The following C11orf16 variants were observed in gnomAD, a reference collection of about 807,000 sequenced individuals.
C11orf16 encodes the protein uncharacterized protein C11orf16.
C11orf16 carries 38 observed loss-of-function variants against 45.1 expected under a neutral mutation model. The ratio of observed to expected loss-of-function variants is 0.84; its 90% CI spans 0.65 to 1.10. C11orf16 has a LOEUF of 1.10. Among genes scored for constraint, C11orf16 ranks in the 50% least tolerant of loss-of-function variants. The pLI, the probability that C11orf16 is intolerant of heterozygous loss-of-function variation, is 0.00. For missense variants in C11orf16, 583 were observed against 569.5 expected (o/e 1.02, Z -0.24); for synonymous variants, 221 against 222.0 (o/e 1.00, Z 0.04).
At position 8,926,893 on chromosome 11, in the gene C11orf16, A is replaced by G. The variant is rs1194294712; in HGVS notation, c.559+47T>C. 2.0e-6 allele frequency: 3 copies of G among 1,504,694 alleles called. No individual in the cohort carries two copies. In the African/African-American group the frequency reaches 4.1e-5, roughly 21 times the overall value. The allele number at this position is 1,504,694 out of a possible 1,614,324, so 93.2% of individuals were successfully genotyped here. A position where few individuals can be genotyped will look rare whatever the true frequency, so the allele number is the denominator to read the frequency against. On this transcript the variant is annotated intron_variant, in intron 4 of 6. Coordinates refer to ENST00000326053, the MANE Select transcript of C11orf16 (RefSeq NM_020643.3). ...TGGCTCTCTCCTCTGGCCTGATTACAGCCTGGCTCCTTCTGGGCACTGATG... is the reference window on the plus strand; with the variant it reads ...TGGCTCTCTCCTCTGGCCTGATTACGGCCTGGCTCCTTCTGGGCACTGATG...
rs780084391 is a variant in C11orf16 at position 8,925,647 on chromosome 11, G to A, written c.1020C>T (p.Ser340=). The A allele has an allele frequency of 9.3e-6, 15 of 1,614,214 alleles. No homozygotes were observed. The highest frequency in any genetic ancestry group is 1.3e-5 in the Non-Finnish European group (15 of 1,180,000). Residue 340 remains serine, a synonymous_variant, in exon 5 of 7, where the codon TCC becomes TCT. Coordinates refer to ENST00000326053, the MANE Select transcript of C11orf16 (RefSeq NM_020643.3). ...APLAVSSSSS[S]SCEQDGVEND... ...TCTCCACACCGTCTTGTTCACAGGA[G>A]GAGGATGAGGAGGAAGAAACAGCCA...
rs1436009333 is a variant in C11orf16 at position 8,926,180 on chromosome 11, CTTTTCTT to C, written c.560-80_560-74del. On this transcript the variant is annotated intron_variant, in intron 4 of 6. Transcript: ENST00000326053. ...CCTTTTTTTTCTTTTTTCTTTTTTT[CTTTTCTT>C]TTTTTTTTTTTTTTTTTGAGACAGG... The C allele has an allele frequency of 6.1e-6, 6 of 987,896 alleles. No homozygotes were observed. The African/African-American group carries it at 1.1e-4, about 18-fold the overall frequency. The allele number at this position is 987,896 out of a possible 1,614,324, so 61.2% of individuals were successfully genotyped here.
intron 2 of C11orf16, 30 bp downstream of exon 2, chr11:8,932,112 C>T (rs75690868): frequency 0.031 from 46,765 of 1,527,306 alleles, 843 homozygotes; most frequent in Non-Finnish European, 0.036. Context: ...AAAGGGCATC[C>T]ACTTCCCCCA....
chr11:8,924,254 G>T (rs2064593589), intron 5 of C11orf16, among the ~76,000 whole-genome samples: 1 of 152,114 alleles, frequency 6.6e-6, no homozygotes, highest in Non-Finnish European at 1.5e-5. Flanking sequence ...GTGCCAGCTT[G>T]GTGGTTCACG....
chr11:8,930,838 T>C (rs1419799809), intron 2 of C11orf16, among the ~76,000 whole-genome samples: 1 of 152,176 alleles, frequency 6.6e-6, no homozygotes, highest in Non-Finnish European at 1.5e-5. Context: ...CATGCTGAGC[T>C]GCCCTCAGCC....
At chr11:8,932,577 C>T (rs1010920151) in intron 1 of C11orf16, among the ~76,000 whole-genome samples, 3 of 152,214 alleles carry the variant, frequency 2.0e-5, no homozygotes, top group Non-Finnish European at 4.4e-5. Context: ...TTTAAATCCT[C>T]CCCTACAGCC....
intron 1 of C11orf16, 56 bp from the exon 2 acceptor site, chr11:8,932,382 C>G: frequency 7.0e-7 from 1 of 1,430,616 alleles, no homozygotes; most frequent in Non-Finnish European, 9.3e-7. Flanking sequence ...CAGTGGCCAC[C>G]GGGGCGAGGC....
At chr11:8,927,399 G>T (rs2064621963) in intron 3 of C11orf16, 1 of 578,998 alleles carries the variant, frequency 1.7e-6, no homozygotes, top group South Asian at 2.0e-5. Context: ...CCTGCCTCGG[G>T]CAACTCTTGT....
intron 2 of C11orf16, among the ~76,000 whole-genome samples, chr11:8,931,150 G>A (rs1037159002): frequency 2.6e-5 from 4 of 152,068 alleles, no homozygotes; most frequent in African/African-American, 9.7e-5. Flanking sequence ...GAGGGAACCT[G>A]AAGAGGGACC....
In C11orf16 at chr11:8,927,112, C is replaced by A. The variant is rs145826068; in HGVS notation, c.387G>T (p.Leu129=). ...FEAPLVAGPK[L]PAQQQRVVLE... ...AGACCACTCTCTGCTGCTGGGCTGG[C>A]AGCTTTGGGCCTGCGACAAGAGGAG... is the stretch of plus-strand genomic sequence containing the variant. The change falls in exon 4 of 7, where the codon CTG becomes CTT. Residue 129 remains leucine, a synonymous_variant. Coordinates refer to ENST00000326053, the MANE Select transcript of C11orf16 (RefSeq NM_020643.3). 1 of 1,614,062 alleles carries A rather than the reference C, an allele frequency of 6.2e-7. No homozygotes were observed. Among genetic ancestry groups the A allele is most frequent in the African/African-American group, 1.3e-5 (1 of 74,932 alleles).
At chr11:8,922,213 T>TA (rs1456649826) in intron 5 of C11orf16, among the ~76,000 whole-genome samples, 1 of 151,950 alleles carries the variant, frequency 6.6e-6, no homozygotes, top group East Asian at 1.9e-4. Flanking sequence ...AGAAAACAAA[T>TA]ATTAAGAAAT....
intron 6 of C11orf16, among the ~76,000 whole-genome samples, chr11:8,920,737 C>T (rs1001547629): frequency 1.3e-5 from 2 of 152,114 alleles, no homozygotes; most frequent in South Asian, 2.1e-4. Context: ...CTCAGGTGGG[C>T]GGCTCACTTG....
chr11:8,927,251 C>T, intron 3 of C11orf16, 77 bp from the exon 4 acceptor site: 2 of 1,158,288 alleles, frequency 1.7e-6, no homozygotes, highest in Non-Finnish European at 2.5e-6. Flanking sequence ...CCCTACGATG[C>T]CCCCCAAATC....
At chr11:8,927,685 T>A (rs1042850169) in intron 3 of C11orf16, 4 of 456,256 alleles carry the variant, frequency 8.8e-6, no homozygotes, top group Non-Finnish European at 1.8e-5. Context: ...GCACTGCCCT[T>A]GCAGTCAACG....
Position 8,920,149 on chromosome 11 carries a change from G to A in C11orf16, c.*324C>T. ...TACAACTAGGCTTTATGGGAAGGTGGCAGAGTGGCTGTGGACACATTTGCC... is the reference window on the plus strand; with the variant it reads ...TACAACTAGGCTTTATGGGAAGGTGACAGAGTGGCTGTGGACACATTTGCC... On this transcript the variant is annotated 3_prime_UTR_variant, in exon 7 of 7. Coordinates refer to ENST00000326053, the MANE Select transcript of C11orf16 (RefSeq NM_020643.3). The A allele has an allele frequency of 2.9e-6, 1 of 342,958 alleles. No homozygotes were observed. Among genetic ancestry groups the A allele is most frequent in the Non-Finnish European group, 5.2e-6 (1 of 191,174 alleles). The allele number at this position is 342,958 out of a possible 1,614,324, so 21.2% of individuals were successfully genotyped here.
In C11orf16 at chr11:8,925,518, C is replaced by T. The variant is rs1187587211; in HGVS notation, c.1149G>A (p.Gln383=). Residue 383 remains glutamine, a synonymous_variant, in exon 5 of 7, where the codon CAG becomes CAA. Coordinates refer to ENST00000326053, the MANE Select transcript of C11orf16 (RefSeq NM_020643.3). The part of the protein sequence containing the change: ...EMPLRQSGLC[Q]PEWRYWKRNG... Reference sequence around the variant, plus strand: ...TTCTCTTCCAATACCTCCACTCAGGCTGGCAGAGGCCACTCTGTCTCAGAG... The same window carrying T: ...TTCTCTTCCAATACCTCCACTCAGGTTGGCAGAGGCCACTCTGTCTCAGAG... The T allele has an allele frequency of 5.0e-6, 8 of 1,614,244 alleles. No individual in the cohort carries two copies. Among genetic ancestry groups the T allele is most frequent in the Non-Finnish European group, 6.8e-6 (8 of 1,180,038 alleles).
At chr11:8,929,263 G>A in intron 3 of C11orf16, 114 bp downstream of exon 3, 1 of 1,086,496 alleles carries the variant, frequency 9.2e-7, no homozygotes. Flanking sequence ...GGCCATGGGA[G>A]AGCTGTGCTT....
At chr11:8,929,063 C>G in intron 3 of C11orf16, 1 of 254,864 alleles carries the variant, frequency 3.9e-6, no homozygotes, top group Non-Finnish European at 7.5e-6. Flanking sequence ...AAGCCAGAAG[C>G]AGGGCATGGG....
In C11orf16 at chr11:8,926,395, C is replaced by T. The variant is rs573515166; in HGVS notation, c.560-288G>A. Among the ~76,000 whole-genome samples the T allele has an allele frequency of 1.4e-3, 207 of 152,104 alleles. 1 individual carries two copies. Among genetic ancestry groups the T allele is most frequent in the Non-Finnish European group, 1.9e-3 (126 of 67,978 alleles). ...CAGCCTGGCCCCGCTGCTCTGGCTG[C>T]GTGGCTCCTCACATGCACCTCTCCG... On this transcript the variant is annotated intron_variant, in intron 4 of 6. Coordinates refer to ENST00000326053, the MANE Select transcript of C11orf16 (RefSeq NM_020643.3).
Sources: gnomAD v4.1 joint callset for allele counts (sites outside exome capture counted in the v4.1 genomes callset) on GRCh38, gnomAD v4.1.1 for gene constraint, MANE v1.5 for transcripts, NCBI Gene and HGNC (gene_info 2026-07-23, HGNC 2026-07-21) for gene names.